The following KCND2 variants were observed in gnomAD, a reference collection of about 807,000 sequenced individuals.
KCND2 encodes the protein potassium voltage-gated channel subfamily D member 2.
A neutral mutation model predicts 54.4 loss-of-function variants in KCND2; 16 were observed. The observed-to-expected ratio is 0.29, with a 90% CI of 0.20 to 0.45. KCND2 has a LOEUF of 0.45. Ranked by LOEUF, KCND2 falls within the 20% of genes least tolerant of loss-of-function variation. The pLI is 1.00. For synonymous variants in KCND2, 317 were observed against 310.7 expected (o/e 1.02, Z -0.21); for missense variants, 486 against 824.2 (o/e 0.59, Z 5.02).
chr7:120,334,834 G>C (rs564235689), intron 1 of KCND2, among the ~76,000 whole-genome samples: 9 of 152,290 alleles, frequency 5.9e-5, no homozygotes, highest in African/African-American at 1.9e-4. Flanking sequence ...TTCAGGCATA[G>C]GATTTAAATT....
chr7:120,698,125 C>G (rs1013173947), intron 1 of KCND2, among the ~76,000 whole-genome samples: 7 of 146,646 alleles, frequency 4.8e-5, no homozygotes, highest in African/African-American at 1.5e-4. Flanking sequence ...GGTGATTCTC[C>G]TGCCTCTGCC....
chr7:120,667,874 A>C (rs931812690), intron 1 of KCND2, among the ~76,000 whole-genome samples: 4 of 152,082 alleles, frequency 2.6e-5, no homozygotes, highest in African/African-American at 9.7e-5. Flanking sequence ...CACAAGAAAC[A>C]AATATTCTTC....
chr7:120,554,822 A>T (rs937174049), intron 1 of KCND2, among the ~76,000 whole-genome samples: 14 of 152,216 alleles, frequency 9.2e-5, no homozygotes, highest in African/African-American at 3.4e-4. Context: ...GGACTTAGCC[A>T]TAGAATTATA....
At chr7:120,435,944 G>T (rs1166413582) in intron 1 of KCND2, among the ~76,000 whole-genome samples, 1 of 152,118 alleles carries the variant, frequency 6.6e-6, no homozygotes, top group East Asian at 1.9e-4. Flanking sequence ...CAGCCATGTG[G>T]TACCTTTTCT....
At chr7:120,673,192 G>C (rs1792016328) in intron 1 of KCND2, among the ~76,000 whole-genome samples, 1 of 152,078 alleles carries the variant, frequency 6.6e-6, no homozygotes, top group Admixed American at 6.5e-5. Flanking sequence ...CTCCAGAGTT[G>C]TAAGAAATCA....
intron 1 of KCND2, among the ~76,000 whole-genome samples, chr7:120,705,931 C>T: frequency 6.6e-6 from 1 of 150,730 alleles, no homozygotes; most frequent in East Asian, 1.9e-4. Flanking sequence ...TCCCCAGCTC[C>T]CTGAACTCCT....
chr7:120,629,261 GC>G (rs1420853385), intron 1 of KCND2, among the ~76,000 whole-genome samples: 1 of 152,236 alleles, frequency 6.6e-6, no homozygotes, highest in African/African-American at 2.4e-5. Flanking sequence ...GCCGAGGCAG[GC>G]GGATCACGAG....
At chr7:120,583,030 A>G (rs10262476) in intron 1 of KCND2, among the ~76,000 whole-genome samples, 16,993 of 151,738 alleles carry the variant, frequency 0.11, 1,506 homozygotes, top group African/African-American at 0.26. Flanking sequence ...TCAGCTCCTG[A>G]AGGACAGAAA....
chr7:120,627,539 A>G (rs1793178654), intron 1 of KCND2, among the ~76,000 whole-genome samples: 3 of 152,118 alleles, frequency 2.0e-5, no homozygotes, highest in African/African-American at 4.8e-5. Flanking sequence ...GTTACCTACT[A>G]TAGTTTATTT....
chr7:120,575,124 A>G (rs928090598), intron 1 of KCND2, among the ~76,000 whole-genome samples: 3 of 152,180 alleles, frequency 2.0e-5, no homozygotes, highest in African/African-American at 7.2e-5. Context: ...ATAATAGTAT[A>G]TATGAAAGGG....
At chr7:120,503,238 TAC>T (rs1305242560) in intron 1 of KCND2, among the ~76,000 whole-genome samples, 3 of 152,194 alleles carry the variant, frequency 2.0e-5, no homozygotes, top group South Asian at 4.1e-4. Flanking sequence ...GTGATTTTGC[TAC>T]AGTTTTCCAT....
At chr7:120,332,480 C>G (rs1800082720) in intron 1 of KCND2, among the ~76,000 whole-genome samples, 1 of 152,040 alleles carries the variant, frequency 6.6e-6, no homozygotes, top group Admixed American at 6.6e-5. Flanking sequence ...TTAGAATGTT[C>G]TTTATTAAAT....
chr7:120,315,110 G>C (rs1330529676), intron 1 of KCND2, among the ~76,000 whole-genome samples: 2 of 151,732 alleles, frequency 1.3e-5, no homozygotes, highest in African/African-American at 4.8e-5. Context: ...GCTTTGTAAA[G>C]GGAAAAAAAA....
Position 120,594,256 on chromosome 7 carries a change from G to A in KCND2, c.1116-138647G>A, listed in dbSNP as rs1024834060. ...CTCACAGTAAAGGCACACACTGAAC[G>A]CACAAGTAGTTATTAAGTTAATTCC... On this transcript the variant is annotated intron_variant, in intron 1 of 5. Transcript: ENST00000331113. Among the ~76,000 whole-genome samples the A allele has an allele frequency of 4.6e-5, 7 of 152,254 alleles. No individual in the cohort carries two copies. The East Asian group carries it at 7.7e-4, about 17-fold the overall frequency.
At chr7:120,690,899 A>C (rs1389492275) in intron 1 of KCND2, among the ~76,000 whole-genome samples, 1 of 152,196 alleles carries the variant, frequency 6.6e-6, no homozygotes, top group Admixed American at 6.5e-5. Context: ...GCTATAAAGA[A>C]AAAGAAAACG....
intron 1 of KCND2, among the ~76,000 whole-genome samples, chr7:120,660,151 T>C (rs1791848574): frequency 6.6e-6 from 1 of 152,196 alleles, no homozygotes. Flanking sequence ...CTTTCAAATA[T>C]ATTATCCAGA....
chr7:120,327,144 T>C (rs1799989647), intron 1 of KCND2, among the ~76,000 whole-genome samples: 1 of 152,102 alleles, frequency 6.6e-6, no homozygotes, highest in Non-Finnish European at 1.5e-5. Context: ...GAAAAGATTT[T>C]AAACATGGAC....
intron 1 of KCND2, among the ~76,000 whole-genome samples, chr7:120,502,327 A>G (rs1364473721): frequency 6.6e-6 from 1 of 151,738 alleles, no homozygotes; most frequent in African/African-American, 2.4e-5. Flanking sequence ...TCCTTTTGTT[A>G]ACTAAGATTT....
chr7:120,426,806 A>G (rs1006816433), intron 1 of KCND2, among the ~76,000 whole-genome samples: 2 of 151,878 alleles, frequency 1.3e-5, no homozygotes, highest in South Asian at 4.1e-4. Context: ...AATTTTTAGT[A>G]GAGACGGGGT....
Sources: gnomAD v4.1 joint callset for allele counts (sites outside exome capture counted in the v4.1 genomes callset) on GRCh38, gnomAD v4.1.1 for gene constraint, MANE v1.5 for transcripts, NCBI Gene and HGNC (gene_info 2026-07-23, HGNC 2026-07-21) for gene names.